ANKHD1: variants seen among roughly 807,000 people sequenced by gnomAD.
ANKHD1 encodes the protein ankyrin repeat and KH domain containing 1.
In ANKHD1, 31 loss-of-function variants were observed where a neutral mutation model predicts 230.5. That is an observed-to-expected ratio of 0.13 (90% CI 0.10 to 0.18). The LOEUF (loss-of-function observed/expected upper bound fraction) is 0.18, where lower values mean the gene tolerates loss of function less well. Among genes scored for constraint, ANKHD1 ranks in the 10% least tolerant of loss-of-function variants. The probability of loss-of-function intolerance (pLI) is 1.00; values close to 1 mark genes in which losing one functional copy is unlikely to be tolerated. For missense variants in ANKHD1, 2,256 were observed against 3,071.3 expected, an observed-to-expected ratio of 0.73 and a Z score of 6.27; for synonymous variants, 1,074 against 1,117.6, an observed-to-expected ratio of 0.96 and a Z score of 0.78.
At chr5:140,519,880 T>C (rs1753236147) in intron 24 of ANKHD1, among the ~76,000 whole-genome samples, 1 of 152,118 alleles carries the variant, frequency 6.6e-6, no homozygotes, top group East Asian at 1.9e-4. Context: ...AAGGACCTCA[T>C]GTCTAAAACA....
intron 7 of ANKHD1, among the ~76,000 whole-genome samples, chr5:140,453,189 GC>G (rs1477200586): frequency 2.0e-5 from 3 of 152,196 alleles, no homozygotes; most frequent in African/African-American, 7.2e-5. Flanking sequence ...AATGAGCAAA[GC>G]CTCCAAGAAA....
chr5:140,407,880 AATT>A (rs899560889), intron 1 of ANKHD1, among the ~76,000 whole-genome samples: 3 of 152,012 alleles, frequency 2.0e-5, no homozygotes, highest in African/African-American at 7.3e-5. Context: ...CCTCTTTTAA[AATT>A]ATTACAAAAG....
chr5:140,536,487 T>TC (rs1442252849), intron 30 of ANKHD1, among the ~76,000 whole-genome samples: 5 of 152,286 alleles, frequency 3.3e-5, no homozygotes, highest in Admixed American at 6.5e-5. Context: ...CATCATGAGG[T>TC]AGTCAGTGAG....
chr5:140,463,049 T>C (rs536951053), intron 9 of ANKHD1, among the ~76,000 whole-genome samples: 47 of 151,992 alleles, frequency 3.1e-4, no homozygotes, highest in Non-Finnish European at 6.6e-4. Flanking sequence ...GGGGTCTTGC[T>C]TGTTGCTTAG....
intron 26 of ANKHD1, 54 bp downstream of exon 26, chr5:140,526,497 G>A (rs1753610982): frequency 6.5e-7 from 1 of 1,535,624 alleles, no homozygotes; most frequent in Non-Finnish European, 8.7e-7. Context: ...TTCATGCCTG[G>A]TACAAGAATT....
chr5:140,493,253 C>G (rs138801909), intron 14 of ANKHD1, among the ~76,000 whole-genome samples: 1 of 152,124 alleles, frequency 6.6e-6, no homozygotes, highest in Non-Finnish European at 1.5e-5. Context: ...TTAGAAGAGA[C>G]GGGGTTTCTC....
rs1581351075 is a variant in ANKHD1 at position 140,507,076 on chromosome 5, A to G, written c.3551+99A>G. On this transcript the variant is annotated intron_variant, in intron 19 of 33. Coordinates refer to ENST00000360839, the MANE Select transcript of ANKHD1 (RefSeq NM_017747.3). The surrounding 1 kb of genome is among the most constrained non-coding windows in gnomAD (Gnocchi z 4.1). ...TTAGACAGATACATTTTAAATTAAG[A>G]TAGTACTAAAGTTGCAAAGCCAACG... 4.2e-5 allele frequency: 63 copies of G among 1,514,976 alleles called. No homozygotes were observed. Among genetic ancestry groups the G allele is most frequent in the Non-Finnish European group, 5.1e-5 (58 of 1,138,256 alleles). The allele number at this position is 1,514,976 out of a possible 1,614,324, so 93.8% of individuals were successfully genotyped here.
chr5:140,456,503 C>G (rs1239576177), intron 7 of ANKHD1, among the ~76,000 whole-genome samples: 1 of 152,066 alleles, frequency 6.6e-6, no homozygotes, highest in Non-Finnish European at 1.5e-5. Context: ...GTACTTGTAC[C>G]AAAACAGAGA....
In ANKHD1 at chr5:140,402,261, C is replaced by G. The variant is rs752784412; in HGVS notation, c.294C>G (p.Asp98Glu). The G allele has an allele frequency of 2.7e-6, 4 of 1,493,960 alleles. No homozygotes were observed. The Admixed American group carries it at 8.8e-5, about 33-fold the overall frequency. 92.5% of individuals were successfully genotyped at this position (1,493,960 alleles called of 1,614,324 possible). A position where few individuals can be genotyped will look rare whatever the true frequency, so the allele number is the denominator to read the frequency against. ...GGGGASGSDE[D>E]EVSEVESFIL... ...GTGGTGCCTCTGGCAGTGACGAGGA[C>G]GAAGTGTCCGAGGTAAGGCTCCGGG... The change falls in exon 1 of 34, where the codon GAC becomes GAG. Residue 98 changes from aspartate to glutamate, a missense_variant. Coordinates refer to ENST00000360839, the MANE Select transcript of ANKHD1 (RefSeq NM_017747.3).
intron 24 of ANKHD1, among the ~76,000 whole-genome samples, chr5:140,520,255 C>T (rs1164315596): frequency 6.6e-6 from 1 of 151,978 alleles, no homozygotes; most frequent in Non-Finnish European, 1.5e-5. Context: ...GTTAGAATGG[C>T]GATCATTAAA....
At chr5:140,455,293 G>T (rs1775086009) in intron 7 of ANKHD1, among the ~76,000 whole-genome samples, 1 of 152,158 alleles carries the variant, frequency 6.6e-6, no homozygotes, top group Non-Finnish European at 1.5e-5. Flanking sequence ...GTACAAGGAG[G>T]AGTTGGTACC....
In ANKHD1 at chr5:140,496,823, A is replaced by T; in HGVS notation, c.2549A>T (p.Gln850Leu). 3.7e-6 allele frequency: 6 copies of T among 1,614,140 alleles called. No individual in the cohort carries two copies. The highest frequency in any genetic ancestry group is 5.1e-6 in the Non-Finnish European group (6 of 1,180,030). The change falls in exon 15 of 34, where the codon CAG becomes CTG. Residue 850 changes from glutamine (Q) to leucine (L), a missense_variant. Physicochemically the swap from Gln to Leu is moderately radical, Grantham distance 113 (BLOSUM62 -2). Transcript: ENST00000360839. ...GAAAGGCAGTTGCAGATGAAAACAC[A>T]GCAGCAATTTACCAAAGAATACTTG... ...KVERQLQMKT[Q>L]QQFTKEYLET...
intron 24 of ANKHD1, among the ~76,000 whole-genome samples, chr5:140,519,025 A>G (rs2127073646): frequency 6.6e-6 from 1 of 152,328 alleles, no homozygotes; most frequent in South Asian, 2.1e-4. Flanking sequence ...ATGATTGTAT[A>G]TCTAGAAAAC....
At chr5:140,434,592 C>T in intron 1 of ANKHD1, among the ~76,000 whole-genome samples, 1 of 151,490 alleles carries the variant, frequency 6.6e-6, no homozygotes, top group Non-Finnish European at 1.5e-5. Context: ...GTACATTTAG[C>T]AAAATAAGAA....
At chr5:140,448,142 G>T (rs1774435959) in intron 6 of ANKHD1, among the ~76,000 whole-genome samples, 1 of 152,196 alleles carries the variant, frequency 6.6e-6, no homozygotes, top group Non-Finnish European at 1.5e-5. Context: ...TGAGGCTGCA[G>T]TGAGCTATGA....
intron 1 of ANKHD1, among the ~76,000 whole-genome samples, chr5:140,403,086 C>A (rs184364373): frequency 6.8e-6 from 1 of 146,654 alleles, no homozygotes; most frequent in Non-Finnish European, 1.5e-5. Flanking sequence ...TCTCCTGCCT[C>A]AGCCTCCCGA....
chr5:140,425,866 T>A (rs898572760), intron 1 of ANKHD1, among the ~76,000 whole-genome samples: 1 of 152,162 alleles, frequency 6.6e-6, no homozygotes, highest in Non-Finnish European at 1.5e-5. Flanking sequence ...CAAAAAGGAA[T>A]TGTTATGTCC....
chr5:140,497,060 C>T lies in ANKHD1; in HGVS notation c.2786C>T (p.Pro929Leu). ...CAGATTGATTTTGTCCCAGTCCAGC[C>T]TTTATCATCTCCACAGTGTAACTTT... ...AEQIDFVPVQPLSSPQCNFSS... is the reference protein window; with the variant it reads ...AEQIDFVPVQLLSSPQCNFSS... The change falls in exon 15 of 34, where the codon CCT becomes CTT. Residue 929 changes from proline (P) to leucine (L), a missense_variant. Physicochemically the swap from Pro to Leu is moderately conservative, Grantham distance 98. Transcript: ENST00000360839. 6.2e-7 allele frequency: 1 copy of T among 1,614,164 alleles called. No individual in the cohort carries two copies.
At chr5:140,403,259 G>A (rs371927509) in intron 1 of ANKHD1, among the ~76,000 whole-genome samples, 1 of 152,184 alleles carries the variant, frequency 6.6e-6, no homozygotes, top group African/African-American at 2.4e-5. Flanking sequence ...ATGAGCCACC[G>A]TGCCCGGCTG....
Sources: allele counts gnomAD v4.1 joint callset (sites outside exome capture counted in the v4.1 genomes callset), GRCh38; gene constraint gnomAD v4.1.1; non-coding constraint Gnocchi (gnomAD v3.1); transcripts MANE v1.5; gene names NCBI Gene and HGNC (gene_info 2026-07-23, HGNC 2026-07-21).